FGD2: variants seen among roughly 807,000 people sequenced by gnomAD.
The protein encoded by FGD2 is FYVE, RhoGEF and PH domain containing 2, also known as FYVE, RhoGEF and PH domain-containing protein 2.
A neutral mutation model predicts 75.9 loss-of-function variants in FGD2; 52 were observed. The observed-to-expected ratio is 0.69, with a 90% CI of 0.55 to 0.86. The LOEUF (loss-of-function observed/expected upper bound fraction) is 0.86, where lower values mean the gene tolerates loss of function less well. FGD2 is among the 40% of genes least tolerant of loss of function. The pLI is 0.00. For missense variants in FGD2, 790 were observed against 872.0 expected, an observed-to-expected ratio of 0.91 and a Z score of 1.18; for synonymous variants, 347 against 348.6, an observed-to-expected ratio of 1.00 and a Z score of 0.05.
chr6:37,010,000 C>G (rs1009304333), intron 2 of FGD2: 1 of 135,098 alleles, frequency 7.4e-6, no homozygotes, highest in Non-Finnish European at 1.5e-5. Context: ...GGTGACAGAG[C>G]GAGACTCTGT....
Position 37,013,611 on chromosome 6 carries a change from C to G in FGD2, c.530C>G (p.Thr177Arg), listed in dbSNP as rs1765128606. ...CAATCCCTGTGCCCCTCCTGCAGGA[C>G]AGCTAACCCCCGCATCGGTGACGTG... ...PELQRRLDDW[T>R]ANPRIGDVIQ... is the part of the protein sequence containing the mutation. Residue 177 changes from threonine to arginine, a missense_variant and splice_region_variant, in exon 5 of 16, where the codon ACA (threonine) becomes AGA (arginine). Transcript: ENST00000274963. 1 of 1,613,356 alleles carries G rather than the reference C, an allele frequency of 6.2e-7. No homozygotes were observed. Among genetic ancestry groups the G allele is most frequent in the African/African-American group, 1.3e-5 (1 of 74,900 alleles).
chr6:37,014,840 A>G, intron 7 of FGD2, 52 bp from the exon 8 acceptor site: 1 of 1,610,172 alleles, frequency 6.2e-7, no homozygotes, highest in Non-Finnish European at 8.5e-7. Context: ...AGCCTTCCAG[A>G]AGCAGGTGAG....
intron 13 of FGD2, chr6:37,024,389 CTG>C (rs1290731392): frequency 1.3e-5 from 2 of 152,138 alleles, no homozygotes; most frequent in Non-Finnish European, 2.9e-5. Context: ...CTGAGCGTGA[CTG>C]TGACACCGTG....
At chr6:37,026,031 G>A (rs1300052637) in intron 14 of FGD2, 93 bp downstream of exon 14, 32 of 1,525,672 alleles carry the variant, frequency 2.1e-5, no homozygotes, top group Non-Finnish European at 2.4e-5. Flanking sequence ...CCAGTGCTGA[G>A]GAACAAGCCA....
intron 6 of FGD2, 57 bp from the exon 7 acceptor site, chr6:37,014,589 G>T (rs1008992479): frequency 8.7e-6 from 14 of 1,602,274 alleles, no homozygotes; most frequent in Admixed American, 5.0e-5. Context: ...AGGACCTCCT[G>T]CCCCAGCCAC....
At chr6:37,014,176 A>C (rs1765164384) in intron 6 of FGD2, 76 bp downstream of exon 6, 3 of 1,524,236 alleles carry the variant, frequency 2.0e-6, no homozygotes, top group Non-Finnish European at 2.6e-6. Context: ...GCTCCTGCTA[A>C]AATGGTTTTG....
intron 9 of FGD2, among the ~76,000 whole-genome samples, chr6:37,016,598 A>C (rs528142368): frequency 6.6e-6 from 1 of 150,780 alleles, no homozygotes; most frequent in South Asian, 2.1e-4. Context: ...CAACAGCAAA[A>C]TCTCGGCTCA....
intron 4 of FGD2, 61 bp from the exon 5 acceptor site, chr6:37,013,548 C>A: frequency 6.4e-7 from 1 of 1,569,556 alleles, no homozygotes; most frequent in Middle Eastern, 1.7e-4. Flanking sequence ...CCTCACCTGG[C>A]CCTATCTAGA....
intron 1 of FGD2, among the ~76,000 whole-genome samples, chr6:37,006,198 C>A (rs916181760): frequency 2.0e-5 from 3 of 152,238 alleles, no homozygotes; most frequent in African/African-American, 7.2e-5. Flanking sequence ...GAAAAGGTAG[C>A]TGATACTCAC....
rs866359042 is a variant in FGD2, at chr6:37,014,953, AC to A, written c.948del (p.Ser317LeufsTer39). 1 of 1,613,682 alleles carries A rather than the reference AC, an allele frequency of 6.2e-7. No individual in the cohort carries two copies. Among genetic ancestry groups the A allele is most frequent in the Admixed American group, 1.7e-5 (1 of 59,956 alleles). On this transcript the variant is annotated frameshift_variant, in exon 8 of 16. Coordinates refer to ENST00000274963, the MANE Select transcript of FGD2 (RefSeq NM_173558.4). LOFTEE classifies it high-confidence loss of function. ...QRLGLEDDIVDPSNTLLREGP... is the reference protein window; with the variant it reads ...QRLGLEDDIVXPSNTLLREGP... ...CTGGGCCTCGAGGACGACATAGTAG[AC>A]CCCTCTAACACCCTGCTCCGTGAGG...
chr6:37,011,791 C>T lies in FGD2; in HGVS notation c.464C>T (p.Ser155Phe), dbSNP rs779517528. The T allele has an allele frequency of 1.2e-6, 2 of 1,614,162 alleles. No homozygotes were observed. The highest frequency in any genetic ancestry group is 3.3e-5 in the Admixed American group (2 of 60,010). Reference protein sequence around the residue: ...DVVRVIFSNISSIYQFHSQFF... With the variant: ...DVVRVIFSNIFSIYQFHSQFF... ...GTCAGGGTCATCTTCTCCAACATCTCCTCCATCTATCAGTTCCATTCTCAG... is the reference window on the plus strand; with the variant it reads ...GTCAGGGTCATCTTCTCCAACATCTTCTCCATCTATCAGTTCCATTCTCAG... Residue 155 changes from serine to phenylalanine, a missense_variant, in exon 4 of 16, where the codon TCC becomes TTC. Ser to Phe is a radical substitution (Grantham distance 155, BLOSUM62 -2). Coordinates refer to ENST00000274963, the MANE Select transcript of FGD2 (RefSeq NM_173558.4).
intron 15 of FGD2, 21 bp downstream of exon 15, chr6:37,027,596 C>T (rs111968434): frequency 1.2e-6 from 2 of 1,612,654 alleles, no homozygotes; most frequent in South Asian, 1.1e-5. Context: ...CACCTGCCCG[C>T]CCCCCGTCAG....
At chr6:37,008,777 C>A in intron 1 of FGD2, 57 bp from the exon 2 acceptor site, 1 of 1,479,316 alleles carries the variant, frequency 6.8e-7, no homozygotes, top group Non-Finnish European at 9.1e-7. Flanking sequence ...CAGGGACTTG[C>A]TGCTGTTTTC....
chr6:37,024,229 A>C (rs1216976609), intron 13 of FGD2: 2 of 152,152 alleles, frequency 1.3e-5, no homozygotes, highest in Non-Finnish European at 2.9e-5. Context: ...AATCCCAGCT[A>C]CTCGGGAGGC....
At chr6:37,009,274 G>C in intron 2 of FGD2, 1 of 533,908 alleles carries the variant, frequency 1.9e-6, no homozygotes, top group Non-Finnish European at 3.3e-6. Flanking sequence ...ATTACTTCGC[G>C]AGTCCCTCGT....
At chr6:37,009,996 A>G (rs568768441) in intron 2 of FGD2, 1 of 146,990 alleles carries the variant, frequency 6.8e-6, no homozygotes, top group South Asian at 2.2e-4. Flanking sequence ...CCTGGGTGAC[A>G]GAGCGAGACT....
intron 2 of FGD2, 157 bp downstream of exon 2, chr6:37,009,222 A>G: frequency 1.5e-6 from 1 of 664,716 alleles, no homozygotes; most frequent in Non-Finnish European, 2.5e-6. Context: ...CCCATGCTTA[A>G]TGGCCTTTGA....
chr6:37,013,314 A>T (rs1447476977), intron 4 of FGD2: 1 of 434,764 alleles, frequency 2.3e-6, no homozygotes, highest in Non-Finnish European at 3.6e-6. Context: ...AGCCCTCGTT[A>T]TTGTTACATA....
chr6:37,005,804 C>T lies in FGD2; in HGVS notation c.-14C>T, dbSNP rs376144058. On this transcript the variant is annotated 5_prime_UTR_variant, in exon 1 of 16. Coordinates refer to ENST00000274963, the MANE Select transcript of FGD2 (RefSeq NM_173558.4). ...CTTCGAGGGTAGCTGAGATCCACCC[C>T]GGAAACCGGCAGGATGAAGGGGGCA... The T allele has an allele frequency of 2.1e-5, 34 of 1,613,298 alleles. No individual in the cohort carries two copies. The African/African-American group carries it at 3.5e-4, about 16-fold the overall frequency.
Sources: gnomAD v4.1 joint callset for allele counts (sites outside exome capture counted in the v4.1 genomes callset) on GRCh38, gnomAD v4.1.1 for gene constraint, MANE v1.5 for transcripts, NCBI Gene and HGNC (gene_info 2026-07-23, HGNC 2026-07-21) for gene names.